The following PELI2 variants were observed in gnomAD, a reference collection of about 807,000 sequenced individuals.
PELI2 encodes the protein pellino E3 ubiquitin protein ligase family member 2.
A neutral mutation model predicts 42.3 loss-of-function variants in PELI2; 23 were observed. The ratio of observed to expected loss-of-function variants is 0.54; its 90% CI spans 0.39 to 0.77. The LOEUF is 0.77. Among genes scored for constraint, PELI2 ranks in the 30% least tolerant of loss-of-function variants. The probability of loss-of-function intolerance (pLI) is 0.00; values close to 1 mark genes in which losing one functional copy is unlikely to be tolerated. For missense variants in PELI2, 463 were observed against 553.2 expected (o/e 0.84, Z 1.64); for synonymous variants, 245 against 212.2 (o/e 1.15, Z -1.34).
chr14:56,183,502 A>G (rs1353813840), intron 2 of PELI2, among the ~76,000 whole-genome samples: 2 of 152,170 alleles, frequency 1.3e-5, no homozygotes, highest in Non-Finnish European at 2.9e-5. Context: ...TCTGACATTA[A>G]GTATTTATTA....
rs1001920815 is a variant in PELI2, at chr14:56,164,610, T to C, written c.78-13725T>C. On this transcript the variant is annotated intron_variant, in intron 1 of 5. Transcript: ENST00000267460. Reference sequence around the variant, plus strand: ...ATTTTTTGGAATAGTTTGAGTAGGATTGGTATTAGTTCTTCTTTAAATGCT... The same window carrying C: ...ATTTTTTGGAATAGTTTGAGTAGGACTGGTATTAGTTCTTCTTTAAATGCT... 2.6e-5 allele frequency among the ~76,000 whole-genome samples: 4 copies of C among 152,228 alleles called. No homozygotes were observed. In the East Asian group the frequency reaches 5.8e-4, roughly 22 times the overall value.
Position 56,288,479 on chromosome 14 carries a change from G to A in PELI2, c.352G>A (p.Asp118Asn). Residue 118 changes from aspartate (D) to asparagine (N), a missense_variant, in exon 4 of 6, where the codon GAC (aspartate) becomes AAC (asparagine). Physicochemically the swap from Asp to Asn is conservative, Grantham distance 23 (BLOSUM62 1). Coordinates refer to ENST00000267460, the MANE Select transcript of PELI2 (RefSeq NM_021255.3). The surrounding 1 kb of genome is among the most constrained non-coding windows in gnomAD (Gnocchi z 4.6). ...TESPIDFVVT[D>N]TISGSQNTDE... ...AAGCCCTATCGACTTCGTTGTCACA[G>A]ACACGATTTCTGGCAGCCAGAACAC... 1 of 1,614,068 alleles carries A rather than the reference G, an allele frequency of 6.2e-7. No homozygotes were observed. Among genetic ancestry groups the A allele is most frequent in the Non-Finnish European group, 8.5e-7 (1 of 1,179,972 alleles).
chr14:56,175,569 TGCTA>T (rs1447283078), intron 1 of PELI2, among the ~76,000 whole-genome samples: 1 of 152,214 alleles, frequency 6.6e-6, no homozygotes, highest in Non-Finnish European at 1.5e-5. Flanking sequence ...GTTTTTCCAG[TGCTA>T]CTTTAATTAT....
At chr14:56,224,924 A>T (rs2139757112) in intron 2 of PELI2, among the ~76,000 whole-genome samples, 1 of 152,140 alleles carries the variant, frequency 6.6e-6, no homozygotes, top group Middle Eastern at 3.4e-3. Context: ...ATCCTGCCAT[A>T]GCACCAGCCA....
chr14:56,161,228 C>T (rs10047869), intron 1 of PELI2, among the ~76,000 whole-genome samples: 117 of 151,906 alleles, frequency 7.7e-4, no homozygotes, highest in African/African-American at 2.7e-3. Context: ...TCATTTATTT[C>T]TTTTTTTCCT....
intron 1 of PELI2, 152 bp downstream of exon 1, chr14:56,118,889 G>A (rs1185801769): frequency 2.2e-6 from 1 of 445,436 alleles, no homozygotes; most frequent in Non-Finnish European, 3.7e-6. Context: ...ACGGCGGCGC[G>A]GGGGCGGGAT....
chr14:56,235,534 G>C (rs978946594), intron 2 of PELI2, among the ~76,000 whole-genome samples: 10 of 152,314 alleles, frequency 6.6e-5, no homozygotes, highest in South Asian at 2.1e-4. Flanking sequence ...TAGAGCTGCT[G>C]GCCTAACTGT....
rs756865019 is a variant in PELI2 at position 56,118,686 on chromosome 14, A to G, written c.26A>G (p.His9Arg). ...ATGTTTTCCCCTGGCCAGGAGGAAC[A>G]CTGCGCCCCCAATAAGGAGCCAGTG... MFSPGQEE[H>R]CAPNKEPVKY... is the part of the protein sequence containing the mutation. Residue 9 changes from histidine (H) to arginine (R), a missense_variant, in exon 1 of 6, where the codon CAC becomes CGC. This residue lies in a region of PELI2 where 343 missense variants were observed against 378.4 expected (regional missense o/e 0.91). Coordinates refer to ENST00000267460, the MANE Select transcript of PELI2 (RefSeq NM_021255.3). 3 of 1,514,930 alleles carry G rather than the reference A, an allele frequency of 2.0e-6. No individual in the cohort carries two copies. The African/African-American group carries it at 4.3e-5, about 22-fold the overall frequency. The allele number at this position is 1,514,930 out of a possible 1,614,324, so 93.8% of individuals were successfully genotyped here. A position where few individuals can be genotyped will look rare whatever the true frequency, so the allele number is the denominator to read the frequency against.
At chr14:56,156,335 C>A (rs1406277302) in intron 1 of PELI2, among the ~76,000 whole-genome samples, 1 of 152,096 alleles carries the variant, frequency 6.6e-6, no homozygotes, top group African/African-American at 2.4e-5. Context: ...TTTCCTTTCC[C>A]TTAAAAGGCA....
intron 1 of PELI2, among the ~76,000 whole-genome samples, chr14:56,164,303 C>T (rs1022036734): frequency 6.6e-6 from 1 of 151,880 alleles, no homozygotes; most frequent in Non-Finnish European, 1.5e-5. Context: ...AAGGATAAAT[C>T]CATTTTATCC....
At chr14:56,223,147 A>G (rs1887212230) in intron 2 of PELI2, among the ~76,000 whole-genome samples, 1 of 152,108 alleles carries the variant, frequency 6.6e-6, no homozygotes, top group Admixed American at 6.5e-5. Context: ...CAAAGGAATA[A>G]AGAGGGCCCT....
intron 4 of PELI2, among the ~76,000 whole-genome samples, chr14:56,289,892 A>G (rs1434369608): frequency 1.3e-5 from 2 of 152,212 alleles, no homozygotes; most frequent in African/African-American, 4.8e-5. Flanking sequence ...CATAGAAAGT[A>G]CTTTTAGATA....
intron 1 of PELI2, among the ~76,000 whole-genome samples, chr14:56,131,696 A>G (rs770578371): frequency 1.3e-5 from 2 of 152,218 alleles, no homozygotes; most frequent in Admixed American, 6.5e-5. Flanking sequence ...TTTTCCCCAG[A>G]TGGAAAAGGC....
chr14:56,138,765 G>A (rs1040959412), intron 1 of PELI2, among the ~76,000 whole-genome samples: 4 of 152,140 alleles, frequency 2.6e-5, no homozygotes, highest in Admixed American at 1.3e-4. Flanking sequence ...CATTGTTTTC[G>A]CATATTGTCA....
At chr14:56,225,413 G>T (rs1368114596) in intron 2 of PELI2, among the ~76,000 whole-genome samples, 2 of 152,180 alleles carry the variant, frequency 1.3e-5, no homozygotes, top group Non-Finnish European at 2.9e-5. Context: ...TGTCAGATGT[G>T]GAGGATGAGG....
intron 1 of PELI2, among the ~76,000 whole-genome samples, chr14:56,171,148 T>C (rs1410717608): frequency 1.3e-5 from 2 of 152,218 alleles, no homozygotes; most frequent in African/African-American, 2.4e-5. Flanking sequence ...ATGGTTTGAA[T>C]GTGCCCCTCA....
intron 2 of PELI2, among the ~76,000 whole-genome samples, chr14:56,195,361 A>C (rs1418761951): frequency 1.3e-5 from 2 of 152,100 alleles, no homozygotes; most frequent in African/African-American, 4.8e-5. Flanking sequence ...GCATGGAGAG[A>C]CAAAACACCG....
At chr14:56,178,144 T>C (rs1457681684) in intron 1 of PELI2, among the ~76,000 whole-genome samples, 191 bp from the exon 2 acceptor site, 1 of 152,248 alleles carries the variant, frequency 6.6e-6, no homozygotes, top group Admixed American at 6.5e-5. Flanking sequence ...ACTCTTAAAT[T>C]AAGTTCCTAG....
chr14:56,131,114 C>G (rs973197674), intron 1 of PELI2, among the ~76,000 whole-genome samples: 1 of 152,202 alleles, frequency 6.6e-6, no homozygotes, highest in African/African-American at 2.4e-5. Context: ...CTCCTATCTC[C>G]TCACTAACAG....
Sources: gnomAD v4.1 joint callset for allele counts (sites outside exome capture counted in the v4.1 genomes callset) on GRCh38, gnomAD v4.1.1 for gene constraint, gnomAD v4.1.1 regional missense constraint, Gnocchi (gnomAD v3.1) non-coding constraint, MANE v1.5 for transcripts, NCBI Gene and HGNC (gene_info 2026-07-23, HGNC 2026-07-21) for gene names.